NDRG1: variants seen among roughly 807,000 people sequenced by gnomAD.
The protein encoded by NDRG1 is N-myc downstream regulated 1, also known as protein NDRG1.
NDRG1 carries 32 observed loss-of-function variants against 56.9 expected under a neutral mutation model. That is an observed-to-expected ratio of 0.56 (90% CI 0.42 to 0.76). The LOEUF is 0.76. Ranked by LOEUF, NDRG1 falls within the 30% of genes least tolerant of loss-of-function variation. The pLI is 0.00. For synonymous variants in NDRG1, 211 were observed against 204.1 expected (o/e 1.03, Z -0.29); for missense variants, 507 against 545.7 (o/e 0.93, Z 0.71).
At chr8:133,266,273 A>G (rs1261382646) in intron 3 of NDRG1, among the ~76,000 whole-genome samples, 2 of 152,274 alleles carry the variant, frequency 1.3e-5, no homozygotes, top group Non-Finnish European at 2.9e-5. Flanking sequence ...TCAGCTCAGC[A>G]CGCTGCATTG....
chr8:133,296,811 G>A (rs1858802186), intron 1 of NDRG1: 2 of 243,500 alleles, frequency 8.2e-6, no homozygotes. Flanking sequence ...ACGACGCCAG[G>A]AAACGCTATC....
At chr8:133,252,240 C>T (rs900480054) in intron 9 of NDRG1, among the ~76,000 whole-genome samples, 6 of 152,278 alleles carry the variant, frequency 3.9e-5, no homozygotes, top group Middle Eastern at 3.4e-3. Flanking sequence ...GGATTACAGG[C>T]GCGTGCCACC....
chr8:133,273,903 C>G (rs184324273), intron 3 of NDRG1, among the ~76,000 whole-genome samples: 16 of 152,338 alleles, frequency 1.1e-4, no homozygotes, highest in Admixed American at 8.5e-4. Context: ...TACTCCCCCC[C>G]TCCCTACTCA....
In NDRG1 at chr8:133,237,738, G is replaced by A. The variant is rs1020783450; in HGVS notation, c.*1140C>T. On this transcript the variant is annotated 3_prime_UTR_variant, in exon 16 of 16. Coordinates refer to ENST00000323851, the MANE Select transcript of NDRG1 (RefSeq NM_006096.4). Reference sequence around the variant, plus strand: ...CAAAGAGTTCTGAGGATCCAAGAACGTGACCGGGTCAGACAGGTTCAGCTA... The same window carrying A: ...CAAAGAGTTCTGAGGATCCAAGAACATGACCGGGTCAGACAGGTTCAGCTA... The A allele has an allele frequency of 2.6e-4, 43 of 166,570 alleles. No homozygotes were observed. Among genetic ancestry groups the A allele is most frequent in the Admixed American group, 1.3e-3 (17 of 12,778 alleles). 10.3% of individuals were successfully genotyped at this position (166,570 alleles called of 1,614,324 possible). A position where few individuals can be genotyped will look rare whatever the true frequency, so the allele number is the denominator to read the frequency against.
At position 133,241,814 on chromosome 8, in the gene NDRG1, C is replaced by T. The variant is rs1374896350; in HGVS notation, c.943+209G>A. 12 of 633,658 alleles carry T rather than the reference C, an allele frequency of 1.9e-5. 1 individual carries two copies. The highest frequency in any genetic ancestry group is 1.5e-4 in the South Asian group (8 of 52,724). 39.3% of individuals were successfully genotyped at this position (633,658 alleles called of 1,614,324 possible). On this transcript the variant is annotated intron_variant, in intron 15 of 15. Transcript: ENST00000323851. ...CTGGTGTGAAACAACTTCTATTCAA[C>T]AAAGGAGGAAAAATGAGCCTCACTG...
chr8:133,297,085 G>A lies in NDRG1; in HGVS notation c.-19+49C>T, dbSNP rs2272654. On this transcript the variant is annotated intron_variant, in intron 1 of 15. Transcript: ENST00000323851. Reference sequence around the variant, plus strand: ...GCGCTCCAGCGGCACCGCACGGGCGGCCCCTTTCTGCTCCGCGTCGCGCCT... The same window carrying A: ...GCGCTCCAGCGGCACCGCACGGGCGACCCCTTTCTGCTCCGCGTCGCGCCT... The A allele has an allele frequency of 0.07, 10,665 of 153,020 alleles. 497 individuals are homozygous for A. The highest frequency in any genetic ancestry group is 0.094 in the Non-Finnish European group (6,407 of 68,432). The allele number at this position is 153,020 out of a possible 1,614,324, so 9.5% of individuals were successfully genotyped here. A position where few individuals can be genotyped will look rare whatever the true frequency, so the allele number is the denominator to read the frequency against.
chr8:133,246,783 G>A, intron 12 of NDRG1, 120 bp from the exon 13 acceptor site: 4 of 943,090 alleles, frequency 4.2e-6, no homozygotes. Flanking sequence ...TGGCAAAGAA[G>A]AAAGTATGTG....
intron 3 of NDRG1, among the ~76,000 whole-genome samples, chr8:133,265,876 A>C (rs904507373): frequency 1.3e-5 from 2 of 152,208 alleles, no homozygotes; most frequent in Non-Finnish European, 2.9e-5. Context: ...CCTCAAGGTC[A>C]ACCAGAAGTT....
In NDRG1 at chr8:133,250,501, G is replaced by T. The variant is rs1213776109; in HGVS notation, c.637C>A (p.Gln213Lys). Residue 213 changes from glutamine to lysine, a missense_variant, in exon 10 of 16, where the codon CAG becomes AAG. By Grantham distance (53) the Gln-to-Lys change is moderately conservative. Transcript: ENST00000323851. ...SNVEVVHTYR[Q>K]HIVNDMNPGN... ...GGGTTCATGTCATTCACAATGTGCT[G>T]GCGGTAGGTGTGGACCACTTCCACG... 24 of 1,613,946 alleles carry T rather than the reference G, an allele frequency of 1.5e-5. No homozygotes were observed. The highest frequency in any genetic ancestry group is 1.6e-4 in the Middle Eastern group (1 of 6,084).
intron 5 of NDRG1, among the ~76,000 whole-genome samples, chr8:133,261,034 C>A (rs1856635231): frequency 1.3e-5 from 2 of 152,330 alleles, no homozygotes; most frequent in South Asian, 4.1e-4. Flanking sequence ...ACTAAGGCAG[C>A]CTGATGTTCC....
At chr8:133,268,794 C>T (rs531757095) in intron 3 of NDRG1, among the ~76,000 whole-genome samples, 2 of 152,214 alleles carry the variant, frequency 1.3e-5, no homozygotes, top group East Asian at 3.9e-4. Context: ...GGCCCCCCAG[C>T]ACACACAGGA....
intron 9 of NDRG1, among the ~76,000 whole-genome samples, chr8:133,252,806 C>T (rs996352693): frequency 6.7e-6 from 1 of 150,240 alleles, no homozygotes; most frequent in Non-Finnish European, 1.5e-5. Context: ...CTCGTACACT[C>T]GCCAACTCCA....
intron 1 of NDRG1, among the ~76,000 whole-genome samples, chr8:133,290,516 G>C (rs369623692): frequency 3.9e-5 from 6 of 152,168 alleles, no homozygotes; most frequent in African/African-American, 1.4e-4. Context: ...GCTGCTTTAA[G>C]GTTAAAGCAA....
At position 133,280,800 on chromosome 8, in the gene NDRG1, T is replaced by G. The variant is rs764363132; in HGVS notation, c.64-533A>C. On this transcript the variant is annotated intron_variant, in intron 2 of 15. Coordinates refer to ENST00000323851, the MANE Select transcript of NDRG1 (RefSeq NM_006096.4). ...AAGCAGACACATTAACTGGACTCCT[T>G]TCTGACAATAGCCTTGATAGATAAA... is the stretch of plus-strand genomic sequence containing the variant. Among the ~76,000 whole-genome samples the G allele has an allele frequency of 3.3e-5, 5 of 152,126 alleles. No homozygotes were observed. In the East Asian group the frequency reaches 9.6e-4, roughly 29 times the overall value.
intron 3 of NDRG1, among the ~76,000 whole-genome samples, chr8:133,272,392 T>G (rs1182898170): frequency 2.0e-5 from 3 of 152,114 alleles, no homozygotes; most frequent in Non-Finnish European, 4.4e-5. Flanking sequence ...CATTCAGTGT[T>G]TGCAATGTGC....
rs1011218265 is a variant in NDRG1 at position 133,281,672 on chromosome 8, G to A, written c.64-1405C>T. Among the ~76,000 whole-genome samples, 7 of 152,198 alleles carry A rather than the reference G, an allele frequency of 4.6e-5. No individual in the cohort carries two copies. In the South Asian group the frequency reaches 6.2e-4, roughly 14 times the overall value. ...GCAAAAGCGATGAGGGGAACAGGAT[G>A]ATGGAATGGAGCTCCCATTAGATGG... is the stretch of plus-strand genomic sequence containing the variant. On this transcript the variant is annotated intron_variant, in intron 2 of 15. Transcript: ENST00000323851.
At chr8:133,282,373 TG>T (rs1205475050) in intron 2 of NDRG1, among the ~76,000 whole-genome samples, 1 of 152,204 alleles carries the variant, frequency 6.6e-6, no homozygotes, top group African/African-American at 2.4e-5. Flanking sequence ...TACTGGGCAC[TG>T]GGCAAATACA....
At chr8:133,261,957 T>TAA (rs1260927116) in intron 5 of NDRG1, 90 bp downstream of exon 5, 21 of 1,480,016 alleles carry the variant, frequency 1.4e-5, no homozygotes, top group Non-Finnish European at 1.7e-5. Flanking sequence ...TTACCACAGT[T>TAA]AAAAAGTATT....
chr8:133,283,386 G>A (rs926039230), intron 2 of NDRG1, among the ~76,000 whole-genome samples: 2 of 152,220 alleles, frequency 1.3e-5, no homozygotes, highest in Admixed American at 1.3e-4. Flanking sequence ...GCAGTTATGA[G>A]GCTAAGTGAG....
Sources: allele counts gnomAD v4.1 joint callset (sites outside exome capture counted in the v4.1 genomes callset), GRCh38; gene constraint gnomAD v4.1.1; transcripts MANE v1.5; gene names NCBI Gene and HGNC (gene_info 2026-07-23, HGNC 2026-07-21).